Variants in PPP6R3 observed in about 807,000 individuals in gnomAD.
PPP6R3 encodes the protein protein phosphatase 6 regulatory subunit 3.
PPP6R3 carries 38 observed loss-of-function variants against 110.7 expected under a neutral mutation model. The ratio of observed to expected loss-of-function variants is 0.34; its 90% CI spans 0.26 to 0.45. PPP6R3 has a LOEUF of 0.45. Among genes scored for constraint, PPP6R3 ranks in the 20% least tolerant of loss-of-function variants. The pLI is 1.00. For missense variants in PPP6R3, 870 were observed against 1,062.4 expected, an observed-to-expected ratio of 0.82 and a Z score of 2.52; for synonymous variants, 369 against 373.5, an observed-to-expected ratio of 0.99 and a Z score of 0.14.
Position 68,474,373 on chromosome 11 carries a change from T to C in PPP6R3, c.-158+13546T>C, listed in dbSNP as rs113300150. Among the ~76,000 whole-genome samples, 934 of 152,340 alleles carry C rather than the reference T, an allele frequency of 6.1e-3. 16 individuals are homozygous for C. The highest frequency in any genetic ancestry group is 0.021 in the African/African-American group (859 of 41,580). ...ATTATCTTTTAAATATCATATTGGC[T>C]ATTTGTATATCTTATTTAGAGGAAA... On this transcript the variant is annotated intron_variant, in intron 1 of 23. Coordinates refer to ENST00000393800, the MANE Select transcript of PPP6R3 (RefSeq NM_001164161.2).
chr11:68,533,852 C>A lies in PPP6R3; in HGVS notation c.-6-3807C>A, dbSNP rs561716667. ...GGCTGGGGAATTGGAGGACCTCATTCATCAGTTAGGCCACGCTGCTGGAGC... is the reference window on the plus strand; with the variant it reads ...GGCTGGGGAATTGGAGGACCTCATTAATCAGTTAGGCCACGCTGCTGGAGC... On this transcript the variant is annotated intron_variant, in intron 2 of 23. Transcript: ENST00000393800. Among the ~76,000 whole-genome samples the A allele has an allele frequency of 8.7e-4, 132 of 152,008 alleles. 1 individual carries two copies. The highest frequency in any genetic ancestry group is 3.1e-3 in the African/African-American group (127 of 41,448).
At chr11:68,612,962 A>G (rs900132666) in intron 23 of PPP6R3, 104 bp from the exon 24 acceptor site, 10 of 1,565,116 alleles carry the variant, frequency 6.4e-6, no homozygotes, top group African/African-American at 1.4e-5. Context: ...GTTCAAAACA[A>G]TGTTAAAATA....
chr11:68,478,647 G>GTTTTTTGTT (rs2098860892), intron 1 of PPP6R3, among the ~76,000 whole-genome samples: 1 of 50,506 alleles, frequency 2.0e-5, no homozygotes, highest in South Asian at 1.0e-3. Flanking sequence ...CACTTGGTAA[G>GTTTTTTGTT]TTTTTTTTTT....
intron 1 of PPP6R3, among the ~76,000 whole-genome samples, chr11:68,489,709 C>CTT (rs561481278): frequency 7.1e-6 from 1 of 141,082 alleles, no homozygotes; most frequent in Non-Finnish European, 1.6e-5. Flanking sequence ...AAAGTCTGTG[C>CTT]TTTTTTTTTT....
intron 22 of PPP6R3, 193 bp from the exon 23 acceptor site, chr11:68,609,711 A>G: frequency 6.3e-7 from 1 of 1,575,828 alleles, no homozygotes; most frequent in Non-Finnish European, 8.7e-7. Context: ...CCTGTGTGCG[A>G]CCCTTTCCTT....
chr11:68,579,676 A>G (rs1312362918), intron 14 of PPP6R3, among the ~76,000 whole-genome samples: 2 of 152,262 alleles, frequency 1.3e-5, no homozygotes, highest in Admixed American at 6.5e-5. Context: ...TGTAATATAC[A>G]GTCATGCACT....
intron 16 of PPP6R3, among the ~76,000 whole-genome samples, chr11:68,588,354 G>A (rs1181898161): frequency 5.3e-5 from 8 of 152,004 alleles, no homozygotes. Context: ...TAAAAAATTA[G>A]CCAGTTGTGG....
At chr11:68,608,839 A>G (rs1457473555) in intron 22 of PPP6R3, among the ~76,000 whole-genome samples, 1 of 152,196 alleles carries the variant, frequency 6.6e-6, no homozygotes, top group Non-Finnish European at 1.5e-5. Context: ...AGAATTAGAA[A>G]CACATTAGTT....
rs1592429009 is a variant in PPP6R3, at chr11:68,519,586, C to G, written c.-72C>G. 2.5e-6 allele frequency: 1 copy of G among 398,378 alleles called. No homozygotes were observed. The highest frequency in any genetic ancestry group is 2.1e-5 in the African/African-American group (1 of 48,564). The allele number at this position is 398,378 out of a possible 1,614,324, so 24.7% of individuals were successfully genotyped here. A position where few individuals can be genotyped will look rare whatever the true frequency, so the allele number is the denominator to read the frequency against. On this transcript the variant is annotated 5_prime_UTR_variant, in exon 2 of 24. Transcript: ENST00000393800. ...TGGAGGAAAACTGTTACCAGGATAACCTGTAATGGGCAAGGAGCCACAAAG... is the reference window on the plus strand; with the variant it reads ...TGGAGGAAAACTGTTACCAGGATAAGCTGTAATGGGCAAGGAGCCACAAAG...
chr11:68,576,276 C>G (rs2099531171), intron 14 of PPP6R3, among the ~76,000 whole-genome samples: 1 of 152,218 alleles, frequency 6.6e-6, no homozygotes, highest in Non-Finnish European at 1.5e-5. Context: ...TCACTGATTT[C>G]TGCTCCACAT....
intron 22 of PPP6R3, among the ~76,000 whole-genome samples, chr11:68,608,021 G>T: frequency 7.0e-6 from 1 of 142,430 alleles, no homozygotes; most frequent in African/African-American, 2.7e-5. Flanking sequence ...CTCCTTCCTC[G>T]GCAGGACTTC....
At chr11:68,520,518 G>C (rs1373669117) in intron 2 of PPP6R3, among the ~76,000 whole-genome samples, 1 of 152,142 alleles carries the variant, frequency 6.6e-6, no homozygotes, top group Non-Finnish European at 1.5e-5. Flanking sequence ...ATGTTTCCTA[G>C]GCATCTGAAA....
chr11:68,514,527 A>G (rs1026047746), intron 1 of PPP6R3, among the ~76,000 whole-genome samples: 2 of 152,108 alleles, frequency 1.3e-5, no homozygotes, highest in Admixed American at 1.3e-4. Flanking sequence ...TGCCTATTTT[A>G]TTGTGTAAAG....
At chr11:68,560,121 A>G (rs1216310977) in intron 8 of PPP6R3, among the ~76,000 whole-genome samples, 2 of 152,270 alleles carry the variant, frequency 1.3e-5, no homozygotes, top group East Asian at 1.9e-4. Context: ...ATGTGTGTCA[A>G]TGATTTAAGC....
At chr11:68,465,595 C>A (rs970794962) in intron 1 of PPP6R3, among the ~76,000 whole-genome samples, 1 of 152,198 alleles carries the variant, frequency 6.6e-6, no homozygotes, top group Non-Finnish European at 1.5e-5. Flanking sequence ...CCAGTGACCA[C>A]CATCTACTTC....
chr11:68,580,746 CTTTTTTTTTTTTTTTTTTTTTTT>C lies in PPP6R3; in HGVS notation c.1546-2276_1546-2254del, dbSNP rs71043441. ...CAAGTTTCCCCCATGGGTAAATAATCTTTTTTTTTTTTTTTTTTTTTTTTTTTTTTTTTTTTTTTTTTTGAGAC... is the reference window on the plus strand; with the variant it reads ...CAAGTTTCCCCCATGGGTAAATAATCTTTTTTTTTTTTTTTTTTTTGAGAC... On this transcript the variant is annotated intron_variant, in intron 14 of 23. Coordinates refer to ENST00000393800, the MANE Select transcript of PPP6R3 (RefSeq NM_001164161.2). Among the ~76,000 whole-genome samples, 10 of 67,530 alleles carry C rather than the reference CTTTTTTTTTTTTTTTTTTTTTTT, an allele frequency of 1.5e-4. No individual in the cohort carries two copies. In the East Asian group the frequency reaches 2.2e-3, roughly 15 times the overall value. The allele number at this position is 67,530 out of a possible 152,430, so 44.3% of individuals were successfully genotyped here. A position where few individuals can be genotyped will look rare whatever the true frequency, so the allele number is the denominator to read the frequency against.
At chr11:68,511,462 G>C (rs2099108978) in intron 1 of PPP6R3, among the ~76,000 whole-genome samples, 1 of 146,222 alleles carries the variant, frequency 6.8e-6, no homozygotes, top group Non-Finnish European at 1.5e-5. Flanking sequence ...TACTGTGTTA[G>C]AGTGTGTGTG....
chr11:68,596,889 T>C (rs757005004), intron 19 of PPP6R3, among the ~76,000 whole-genome samples: 15 of 152,190 alleles, frequency 9.9e-5, no homozygotes, highest in Non-Finnish European at 1.6e-4. Flanking sequence ...TCCCAGAGGC[T>C]GAAGCCCAGC....
intron 1 of PPP6R3, among the ~76,000 whole-genome samples, chr11:68,496,899 T>C (rs2099019880): frequency 6.8e-6 from 1 of 146,834 alleles, no homozygotes; most frequent in African/African-American, 2.5e-5. Flanking sequence ...TCTTGCTCTG[T>C]TGCCCAGGCT....
Sources: allele counts gnomAD v4.1 joint callset (sites outside exome capture counted in the v4.1 genomes callset), GRCh38; gene constraint gnomAD v4.1.1; transcripts MANE v1.5; gene names NCBI Gene and HGNC (gene_info 2026-07-23, HGNC 2026-07-21).